TAF4B: variants seen among roughly 807,000 people sequenced by gnomAD.
TAF4B encodes the protein transcription initiation factor TFIID subunit 4B.
TAF4B carries 38 observed loss-of-function variants against 86.4 expected under a neutral mutation model. The ratio of observed to expected loss-of-function variants is 0.44; its 90% confidence interval spans 0.34 to 0.58. The LOEUF (loss-of-function observed/expected upper bound fraction) is 0.58, where lower values mean the gene tolerates loss of function less well. Ranked by LOEUF, TAF4B falls within the 20% of genes least tolerant of loss-of-function variation. TAF4B has a pLI of 0.02. For synonymous variants in TAF4B, 388 were observed against 391.2 expected (o/e 0.99, Z 0.10); for missense variants, 988 against 1,027.6 (o/e 0.96, Z 0.53).
chr18:26,277,136 G>A (rs1034411854), intron 5 of TAF4B, among the ~76,000 whole-genome samples: 3 of 152,082 alleles, frequency 2.0e-5, no homozygotes, highest in Non-Finnish European at 4.4e-5. Flanking sequence ...AGGCTGGAGT[G>A]CAGTGGCGTG....
intron 11 of TAF4B, among the ~76,000 whole-genome samples, chr18:26,324,565 T>A (rs2056989374): frequency 1.3e-5 from 2 of 152,246 alleles, no homozygotes; most frequent in African/African-American, 2.4e-5. Context: ...TTGTTGTATA[T>A]CAGTAGCGTA....
chr18:26,276,521 T>C (rs2056386519), intron 5 of TAF4B, among the ~76,000 whole-genome samples: 1 of 152,208 alleles, frequency 6.6e-6, no homozygotes, highest in Non-Finnish European at 1.5e-5. Context: ...TTTCAAATAT[T>C]ATACAGCAAA....
intron 14 of TAF4B, among the ~76,000 whole-genome samples, chr18:26,362,367 A>G (rs1206432637): frequency 1.3e-5 from 2 of 152,208 alleles, no homozygotes; most frequent in Non-Finnish European, 2.9e-5. Context: ...TTGGCTTTTA[A>G]TAGTATTTTA....
chr18:26,233,387 C>T (rs1211982306), intron 1 of TAF4B, among the ~76,000 whole-genome samples: 1 of 152,110 alleles, frequency 6.6e-6, no homozygotes, highest in Non-Finnish European at 1.5e-5. Flanking sequence ...AATGGTCATG[C>T]AGGGAGTATG....
In TAF4B at chr18:26,285,968, C is replaced by T. The variant is rs1490441800; in HGVS notation, c.1059C>T (p.Val353=). The T allele has an allele frequency of 1.9e-6, 3 of 1,614,192 alleles. No individual in the cohort carries two copies. Among genetic ancestry groups the T allele is most frequent in the East Asian group, 2.2e-5 (1 of 44,888 alleles). The change falls in exon 7 of 15, where the codon GTC becomes GTT. Residue 353 remains valine, a synonymous_variant. Transcript: ENST00000269142. ...QCVQQTSSDM[V]IATCTTTVTT... is the part of the protein sequence containing the mutation. ...TTCAGCAGACTTCTAGTGACATGGTCATTGCTACCTGTACTACAACAGTAA... is the reference window on the plus strand; with the variant it reads ...TTCAGCAGACTTCTAGTGACATGGTTATTGCTACCTGTACTACAACAGTAA...
At chr18:26,322,295 G>C (rs935461978) in intron 11 of TAF4B, among the ~76,000 whole-genome samples, 2 of 151,480 alleles carry the variant, frequency 1.3e-5, no homozygotes, top group African/African-American at 2.4e-5. Context: ...TTTCCATTTA[G>C]AACTTTGGAA....
Position 26,258,252 on chromosome 18 carries a change from CA to C in TAF4B, c.344-6904del, listed in dbSNP as rs560676496. ...CTGGTGACAGAGCGAGACTCCATCT[CA>C]AAAAAAAAAAAAAGCTGAGGGAAGA... On this transcript the variant is annotated intron_variant, in intron 1 of 14. Coordinates refer to ENST00000269142, the MANE Select transcript of TAF4B (RefSeq NM_005640.3). Among the ~76,000 whole-genome samples, 319 of 112,632 alleles carry C rather than the reference CA, an allele frequency of 2.8e-3. 1 individual carries two copies. Among genetic ancestry groups the C allele is most frequent in the Non-Finnish European group, 3.7e-3 (191 of 51,422 alleles). The allele number at this position is 112,632 out of a possible 152,430, so 73.9% of individuals were successfully genotyped here. A position where few individuals can be genotyped will look rare whatever the true frequency, so the allele number is the denominator to read the frequency against.
intron 14 of TAF4B, among the ~76,000 whole-genome samples, chr18:26,365,284 GAC>G (rs1470863402): frequency 6.6e-6 from 1 of 152,158 alleles, no homozygotes; most frequent in East Asian, 1.9e-4. Context: ...TGGGATTACA[GAC>G]GTGAGCCACC....
intron 14 of TAF4B, among the ~76,000 whole-genome samples, chr18:26,361,878 GAT>G (rs1377290188): frequency 6.6e-6 from 1 of 151,916 alleles, no homozygotes; most frequent in African/African-American, 2.4e-5. Context: ...ATTTGTATAT[GAT>G]ATGTGTAAAT....
intron 1 of TAF4B, among the ~76,000 whole-genome samples, chr18:26,247,106 C>T (rs2055937874): frequency 6.6e-6 from 1 of 152,088 alleles, no homozygotes; most frequent in South Asian, 2.1e-4. Flanking sequence ...CTTAGGTGAT[C>T]CACCCGCCTC....
intron 5 of TAF4B, among the ~76,000 whole-genome samples, chr18:26,275,661 C>T (rs1310837669): frequency 1.3e-5 from 2 of 152,128 alleles, no homozygotes; most frequent in Non-Finnish European, 2.9e-5. Flanking sequence ...GCCTCCCTTA[C>T]TCTACAAAGG....
intron 1 of TAF4B, among the ~76,000 whole-genome samples, chr18:26,259,177 T>G (rs2056127830): frequency 6.6e-6 from 1 of 152,060 alleles, no homozygotes; most frequent in Non-Finnish European, 1.5e-5. Context: ...TTTGATTTTT[T>G]TTTTTTTCTG....
At chr18:26,242,366 G>T (rs906743653) in intron 1 of TAF4B, among the ~76,000 whole-genome samples, 3 of 152,098 alleles carry the variant, frequency 2.0e-5, no homozygotes, top group Non-Finnish European at 4.4e-5. Context: ...TTTGATCTTT[G>T]TTGGTTTAAA....
intron 12 of TAF4B, among the ~76,000 whole-genome samples, chr18:26,327,842 T>C (rs894777638): frequency 6.6e-6 from 1 of 152,214 alleles, no homozygotes; most frequent in African/African-American, 2.4e-5. Context: ...TGCCTTGGCC[T>C]CCCAAAGTTT....
At position 26,346,759 on chromosome 18, in the gene TAF4B, G is replaced by GTGTATATATATATATATATATA. The variant is rs1202008455; in HGVS notation, c.2317-10930_2317-10929insGTATATATATATATATATATAT. Among the ~76,000 whole-genome samples, 78 of 27,128 alleles carry GTGTATATATATATATATATATA rather than the reference G, an allele frequency of 2.9e-3. 12 individuals are homozygous for GTGTATATATATATATATATATA. Among genetic ancestry groups the GTGTATATATATATATATATATA allele is most frequent in the East Asian group, 0.012 (6 of 512 alleles). The allele number at this position is 27,128 out of a possible 152,430, so 17.8% of individuals were successfully genotyped here. On this transcript the variant is annotated intron_variant, in intron 13 of 14. Coordinates refer to ENST00000269142, the MANE Select transcript of TAF4B (RefSeq NM_005640.3). Reference sequence around the variant, plus strand: ...CAAGAATATATATATATATATGTGTGTATATATATATATATGTGTGTGTAT... The same window carrying GTGTATATATATATATATATATA: ...CAAGAATATATATATATATATGTGTGTGTATATATATATATATATATATATATATATATATATGTGTGTGTAT...
intron 10 of TAF4B, among the ~76,000 whole-genome samples, chr18:26,319,100 G>A (rs931204690): frequency 6.6e-6 from 1 of 152,168 alleles, no homozygotes; most frequent in African/African-American, 2.4e-5. Context: ...AGGCTGAGGT[G>A]GGAGGATTGT....
At chr18:26,377,841 A>T (rs992230363) in intron 14 of TAF4B, among the ~76,000 whole-genome samples, 1 of 152,164 alleles carries the variant, frequency 6.6e-6, no homozygotes, top group Non-Finnish European at 1.5e-5. Context: ...GGCTTCCGTC[A>T]TTAGGGATTT....
intron 14 of TAF4B, among the ~76,000 whole-genome samples, chr18:26,369,954 G>T (rs2057396065): frequency 6.6e-6 from 1 of 152,200 alleles, no homozygotes; most frequent in Non-Finnish European, 1.5e-5. Flanking sequence ...CAGCAATGAT[G>T]ATCCTGTCTC....
chr18:26,282,986 C>G (rs1186966278), intron 6 of TAF4B, among the ~76,000 whole-genome samples: 1 of 152,204 alleles, frequency 6.6e-6, no homozygotes, highest in Non-Finnish European at 1.5e-5. Context: ...TCTTCAGGCT[C>G]CACTTTCAAC....
Sources: allele counts gnomAD v4.1 joint callset (sites outside exome capture counted in the v4.1 genomes callset), GRCh38; gene constraint gnomAD v4.1.1; transcripts MANE v1.5; gene names NCBI Gene and HGNC (gene_info 2026-07-23, HGNC 2026-07-21).